GRM5: variants seen among roughly 807,000 people sequenced by gnomAD.
GRM5 encodes the protein metabotropic glutamate receptor 5.
In GRM5, 19 loss-of-function variants were observed where a neutral mutation model predicts 83.1. The observed-to-expected ratio is 0.23, with a 90% confidence interval of 0.16 to 0.34. The LOEUF (loss-of-function observed/expected upper bound fraction) is 0.34, where lower values mean the gene tolerates loss of function less well. GRM5 is among the 10% of genes least tolerant of loss of function. The probability of loss-of-function intolerance (pLI) is 1.00; values close to 1 mark genes in which losing one functional copy is unlikely to be tolerated. For missense variants in GRM5, 1,160 were observed against 1,588.3 expected (o/e 0.73, Z 4.58); for synonymous variants, 675 against 633.6 (o/e 1.07, Z -0.98).
chr11:88,524,628 C>G (rs1268750480), intron 9 of GRM5, among the ~76,000 whole-genome samples: 1 of 152,238 alleles, frequency 6.6e-6, no homozygotes, highest in Non-Finnish European at 1.5e-5. Flanking sequence ...CTAGGTACAA[C>G]TCAATCAGGA....
chr11:88,999,349 G>A (rs972620646), intron 2 of GRM5, among the ~76,000 whole-genome samples: 6 of 152,050 alleles, frequency 3.9e-5, no homozygotes, highest in African/African-American at 1.4e-4. Context: ...TCTTACAAAG[G>A]GCTAACAATA....
intron 1 of GRM5, among the ~76,000 whole-genome samples, chr11:89,061,632 G>A (rs1169176271): frequency 6.6e-6 from 1 of 152,132 alleles, no homozygotes; most frequent in East Asian, 1.9e-4. Flanking sequence ...GGTTATAATA[G>A]ATATGAGTGA....
At chr11:88,661,792 C>G (rs1939912916) in intron 3 of GRM5, among the ~76,000 whole-genome samples, 1 of 152,062 alleles carries the variant, frequency 6.6e-6, no homozygotes, top group Non-Finnish European at 1.5e-5. Flanking sequence ...CTCCTGGGCT[C>G]AGCCTCTGGA....
chr11:88,724,399 C>CTT (rs1941624408), intron 3 of GRM5, among the ~76,000 whole-genome samples: 1 of 13,308 alleles, frequency 7.5e-5, no homozygotes, highest in African/African-American at 1.5e-4. Flanking sequence ...ACTCCATATA[C>CTT]TTACTCCTAA....
At chr11:88,975,092 T>G (rs1939290961) in intron 2 of GRM5, among the ~76,000 whole-genome samples, 1 of 152,232 alleles carries the variant, frequency 6.6e-6, no homozygotes, top group South Asian at 2.1e-4. Flanking sequence ...CGTTTAGGAC[T>G]TAAATTAAGA....
At position 88,840,162 on chromosome 11, in the gene GRM5, T is replaced by C. The variant is rs1944171105; in HGVS notation, c.911+9744A>G. On this transcript the variant is annotated intron_variant, in intron 3 of 9. Coordinates refer to ENST00000305447, the MANE Select transcript of GRM5 (RefSeq NM_001143831.3). ...AATGCATTTTTGCCTTTTTTTTTCA[T>C]TTCTCTAAAAATGTTTCTATACAGT... 5.9e-5 allele frequency among the ~76,000 whole-genome samples: 9 copies of C among 152,122 alleles called. No homozygotes were observed. The South Asian group carries it at 1.9e-3, about 31-fold the overall frequency.
Position 88,913,581 on chromosome 11 carries a change from C to T in GRM5, c.662-63426G>A, listed in dbSNP as rs1945538174. Reference sequence around the variant, plus strand: ...ATATCTTCTTTTTTTTTCCTTCTCTCTCTCTCTTTTTTTTTTTTTTTTTTA... The same window carrying T: ...ATATCTTCTTTTTTTTTCCTTCTCTTTCTCTCTTTTTTTTTTTTTTTTTTA... On this transcript the variant is annotated intron_variant, in intron 2 of 9. Transcript: ENST00000305447. 3.1e-5 allele frequency among the ~76,000 whole-genome samples: 4 copies of T among 127,152 alleles called. No homozygotes were observed. The Admixed American group carries it at 3.9e-4, about 12-fold the overall frequency. The allele number at this position is 127,152 out of a possible 152,430, so 83.4% of individuals were successfully genotyped here. A position where few individuals can be genotyped will look rare whatever the true frequency, so the allele number is the denominator to read the frequency against.
chr11:88,892,261 C>T (rs1393104966), intron 2 of GRM5, among the ~76,000 whole-genome samples: 1 of 151,158 alleles, frequency 6.6e-6, no homozygotes, highest in Non-Finnish European at 1.5e-5. Context: ...TCAATCTCAG[C>T]TTGCAGAGCT....
intron 4 of GRM5, among the ~76,000 whole-genome samples, chr11:88,608,013 AC>A (rs1392661567): frequency 6.6e-6 from 1 of 152,154 alleles, no homozygotes; most frequent in Non-Finnish European, 1.5e-5. Flanking sequence ...AAGTCATGTG[AC>A]CCCAGGATAT....
chr11:88,814,975 A>G (rs1250723744), intron 3 of GRM5, among the ~76,000 whole-genome samples: 4 of 152,170 alleles, frequency 2.6e-5, no homozygotes, highest in African/African-American at 9.6e-5. Flanking sequence ...AGAATTCACA[A>G]GCACAGTCAT....
Position 88,567,616 on chromosome 11 carries a change from A to T in GRM5, c.2067T>A (p.Ser689Arg), listed in dbSNP as rs1358835913. ...AAGCAATCACTAGCTGGGCACAGGC[A>T]CTCATGAATCTGGGCTTTTTGGTAC... is the stretch of plus-strand genomic sequence containing the variant. Reference protein sequence around the residue: ...KICTKKPRFMSACAQLVIAFI... With the variant: ...KICTKKPRFMRACAQLVIAFI... Residue 689 changes from serine to arginine, a missense_variant, in exon 8 of 10, where the codon AGT (serine) becomes AGA (arginine). Physicochemically the swap from Ser to Arg is moderately radical, Grantham distance 110 (BLOSUM62 -1). Transcript: ENST00000305447. The surrounding 1 kb of genome is among the most constrained non-coding windows in gnomAD (Gnocchi z 7.3). 1 of 1,614,098 alleles carries T rather than the reference A, an allele frequency of 6.2e-7. No homozygotes were observed. Among genetic ancestry groups the T allele is most frequent in the Admixed American group, 1.7e-5 (1 of 60,008 alleles).
chr11:88,584,117 A>T (rs1189168264), intron 7 of GRM5, among the ~76,000 whole-genome samples: 1 of 152,038 alleles, frequency 6.6e-6, no homozygotes, highest in Non-Finnish European at 1.5e-5. Flanking sequence ...AAATTATAAA[A>T]TTTTTAAATA....
Position 88,833,753 on chromosome 11 carries a change from G to T in GRM5, c.911+16153C>A, listed in dbSNP as rs556314877. On this transcript the variant is annotated intron_variant, in intron 3 of 9. Transcript: ENST00000305447. ...AATGGATTAATTGTTAAGAAATGTG[G>T]TATATGTAAACACAATGAAATACTA... Among the ~76,000 whole-genome samples, 9 of 152,224 alleles carry T rather than the reference G, an allele frequency of 5.9e-5. No homozygotes were observed. In the South Asian group the frequency reaches 1.9e-3, roughly 32 times the overall value.
At chr11:88,750,024 A>T (rs764059955) in intron 3 of GRM5, among the ~76,000 whole-genome samples, 2 of 152,170 alleles carry the variant, frequency 1.3e-5, no homozygotes, top group Admixed American at 6.6e-5. Context: ...AAGGAACCAC[A>T]CAAACAAGTC....
At chr11:88,966,514 A>G (rs1938967889) in intron 2 of GRM5, among the ~76,000 whole-genome samples, 1 of 152,158 alleles carries the variant, frequency 6.6e-6, no homozygotes, top group Admixed American at 6.6e-5. Context: ...ACATCATTAC[A>G]TACCTTCACA....
intron 2 of GRM5, among the ~76,000 whole-genome samples, chr11:89,044,449 G>T (rs565819516): frequency 6.6e-6 from 1 of 152,196 alleles, no homozygotes; most frequent in Non-Finnish European, 1.5e-5. Context: ...CTGAAACCCA[G>T]TTTTCCTTGT....
chr11:88,732,085 A>G (rs879738065), intron 3 of GRM5, among the ~76,000 whole-genome samples: 2 of 151,982 alleles, frequency 1.3e-5, no homozygotes, highest in Non-Finnish European at 2.9e-5. Context: ...CCTGCCTACC[A>G]CCAACTTTGA....
At chr11:88,597,039 C>T in intron 6 of GRM5, 145 bp downstream of exon 6, 1 of 544,272 alleles carries the variant, frequency 1.8e-6, no homozygotes, top group Non-Finnish European at 3.2e-6. Context: ...CATGGGATTT[C>T]ACAAGGAATG....
intron 2 of GRM5, among the ~76,000 whole-genome samples, chr11:88,971,537 G>GT (rs1431691616): frequency 2.0e-5 from 3 of 152,042 alleles, no homozygotes; most frequent in Non-Finnish European, 2.9e-5. Flanking sequence ...GTGGCATTTA[G>GT]TTTTCTATTC....
Sources: gnomAD v4.1 joint callset for allele counts (sites outside exome capture counted in the v4.1 genomes callset) on GRCh38, gnomAD v4.1.1 for gene constraint, Gnocchi (gnomAD v3.1) non-coding constraint, MANE v1.5 for transcripts, NCBI Gene and HGNC (gene_info 2026-07-23, HGNC 2026-07-21) for gene names.